PRELID2: variants seen among roughly 807,000 people sequenced by gnomAD.
PRELID2 encodes the protein PRELI domain containing 2.
Under a neutral mutation model 28.4 loss-of-function variants are expected in PRELID2, and 25 were observed. That is an observed-to-expected ratio of 0.88 (90% CI 0.64 to 1.23). The LOEUF is 1.23. Among genes scored for constraint, PRELID2 ranks in the 50% most tolerant of loss-of-function variants. The probability of loss-of-function intolerance (pLI) is 0.00; values close to 1 mark genes in which losing one functional copy is unlikely to be tolerated. For synonymous variants in PRELID2, 76 were observed against 71.6 expected (o/e 1.06, Z -0.31); for missense variants, 201 against 214.4 (o/e 0.94, Z 0.39).
intron 4 of PRELID2, among the ~76,000 whole-genome samples, chr5:145,815,172 T>C (rs1754213813): frequency 6.6e-6 from 1 of 152,184 alleles, no homozygotes; most frequent in Admixed American, 6.5e-5. Flanking sequence ...CTATCCACCA[T>C]GTGAGGCAAT....
intron 1 of PRELID2, among the ~76,000 whole-genome samples, chr5:145,474,509 T>C (rs1336638562): frequency 6.6e-6 from 1 of 152,020 alleles, no homozygotes; most frequent in Non-Finnish European, 1.5e-5. Context: ...CATTGAAGAG[T>C]TCTGTGTTAG....
chr5:145,487,766 G>C (rs757526401), intron 1 of PRELID2, among the ~76,000 whole-genome samples: 1 of 151,982 alleles, frequency 6.6e-6, no homozygotes, highest in Non-Finnish European at 1.5e-5. Context: ...TAAGCTAATA[G>C]AAATAGGATT....
At chr5:145,708,739 C>T (rs1417765064) in intron 1 of PRELID2, among the ~76,000 whole-genome samples, 1 of 152,180 alleles carries the variant, frequency 6.6e-6, no homozygotes, top group Non-Finnish European at 1.5e-5. Flanking sequence ...GCAAGTAATG[C>T]TTAATCTGTT....
intron 1 of PRELID2, among the ~76,000 whole-genome samples, chr5:145,743,681 C>T (rs79797086): frequency 0.04 from 6,161 of 152,232 alleles, 212 homozygotes; most frequent in African/African-American, 0.084. Flanking sequence ...ACTGTGCAAC[C>T]CGTGGGTCGG....
At chr5:145,806,833 G>A (rs1286117637) in intron 4 of PRELID2, among the ~76,000 whole-genome samples, 1 of 152,108 alleles carries the variant, frequency 6.6e-6, no homozygotes, top group Non-Finnish European at 1.5e-5. Flanking sequence ...CCGCCACCTT[G>A]TGAAGAAGGT....
intron 1 of PRELID2, among the ~76,000 whole-genome samples, chr5:145,722,178 G>A (rs1235217488): frequency 6.6e-6 from 1 of 151,934 alleles, no homozygotes; most frequent in Non-Finnish European, 1.5e-5. Context: ...AATTGATCAA[G>A]TATTAGGTAA....
the PRELID2 span, among the ~76,000 whole-genome samples, chr5:145,369,949 C>T: frequency 2.1e-5 from 3 of 146,078 alleles, no homozygotes; most frequent in Non-Finnish European, 3.1e-5. Context: ...ACTTTGCCCA[C>T]GTTTTAATGG....
chr5:145,586,958 C>G (rs1050823764), intron 1 of PRELID2, among the ~76,000 whole-genome samples: 1 of 152,036 alleles, frequency 6.6e-6, no homozygotes, highest in Non-Finnish European at 1.5e-5. Context: ...AGGGGAGGAA[C>G]TAAATATAAA....
At chr5:145,623,752 C>A (rs2149653647) in intron 1 of PRELID2, among the ~76,000 whole-genome samples, 1 of 152,294 alleles carries the variant, frequency 6.6e-6, no homozygotes, top group East Asian at 1.9e-4. Flanking sequence ...ATATAAGGAT[C>A]TGAACTCTTT....
chr5:145,605,514 T>A (rs1198251796), intron 1 of PRELID2, among the ~76,000 whole-genome samples: 1 of 152,084 alleles, frequency 6.6e-6, no homozygotes, highest in Non-Finnish European at 1.5e-5. Flanking sequence ...GACTCCGTAT[T>A]CTGTTCTATT....
chr5:145,288,454 G>C, the PRELID2 span, among the ~76,000 whole-genome samples: 1 of 151,960 alleles, frequency 6.6e-6, no homozygotes, highest in Non-Finnish European at 1.5e-5. Context: ...TTTCTGAGCA[G>C]TTTCTTAAAT....
In PRELID2 at chr5:145,572,670, A is replaced by G. The variant is rs80208747; in HGVS notation, n.71-99355T>C. On this transcript the variant is annotated intron_variant and non_coding_transcript_variant, in intron 1 of 2. Transcript: ENST00000510259. ...CCCTGATTAACATTTCCACAGCTAA[A>G]TAAATTATGTCTCTCCCAGTTTCAT... Among the ~76,000 whole-genome samples the G allele has an allele frequency of 5.0e-3, 766 of 152,286 alleles. 8 individuals carry two copies. The highest frequency in any genetic ancestry group is 0.018 in the African/African-American group (728 of 41,560).
chr5:145,478,410 G>A (rs543814832), intron 1 of PRELID2, among the ~76,000 whole-genome samples: 1 of 152,126 alleles, frequency 6.6e-6, no homozygotes, highest in South Asian at 2.1e-4. Flanking sequence ...AGCCGGGCAT[G>A]GTGGTGCGCA....
intron 5 of PRELID2, among the ~76,000 whole-genome samples, chr5:145,787,277 T>C (rs1330603288): frequency 1.3e-5 from 2 of 152,220 alleles, no homozygotes; most frequent in African/African-American, 4.8e-5. Context: ...ATAACAAGAC[T>C]GTTATCACCC....
At chr5:145,263,089 G>C in the PRELID2 span, among the ~76,000 whole-genome samples, 1 of 151,946 alleles carries the variant, frequency 6.6e-6, no homozygotes, top group Non-Finnish European at 1.5e-5. Context: ...AAAAGACAAA[G>C]AGGGACATTA....
chr5:145,665,638 T>C (rs1274808561), intron 1 of PRELID2, among the ~76,000 whole-genome samples: 5 of 152,130 alleles, frequency 3.3e-5, no homozygotes, highest in African/African-American at 1.2e-4. Context: ...ATAATTGGGC[T>C]CTAGCCCATC....
chr5:145,430,486 C>A, the PRELID2 span, among the ~76,000 whole-genome samples: 1 of 152,278 alleles, frequency 6.6e-6, no homozygotes, highest in African/African-American at 2.4e-5. Context: ...TCAGACAAAT[C>A]ATGAAGAACT....
chr5:145,742,562 G>C (rs1484545919), intron 1 of PRELID2, among the ~76,000 whole-genome samples: 2 of 140,770 alleles, frequency 1.4e-5, no homozygotes, highest in Non-Finnish European at 3.1e-5. Context: ...AAATTTAAAA[G>C]AAAACATACC....
chr5:145,355,657 A>G, the PRELID2 span, among the ~76,000 whole-genome samples: 1 of 152,162 alleles, frequency 6.6e-6, no homozygotes, highest in South Asian at 2.1e-4. Flanking sequence ...AGACACTGAG[A>G]AAAATGAGTT....
Sources: gnomAD v4.1 joint callset for allele counts (sites outside exome capture counted in the v4.1 genomes callset) on GRCh38, gnomAD v4.1.1 for gene constraint, MANE v1.5 for transcripts, NCBI Gene and HGNC (gene_info 2026-07-23, HGNC 2026-07-21) for gene names.